Variants in RIC3 observed in about 807,000 individuals in gnomAD.
RIC3 encodes RIC3 acetylcholine receptor chaperone.
Under a neutral mutation model 27.3 loss-of-function variants are expected in RIC3, and 28 were observed. That is an observed-to-expected ratio of 1.02 (90% confidence interval 0.76 to 1.41). RIC3 has a LOEUF of 1.41. RIC3 is among the 40% of genes most tolerant of loss of function. The probability of loss-of-function intolerance (pLI) is 0.00; values close to 1 mark genes in which losing one functional copy is unlikely to be tolerated. For synonymous variants in RIC3, 184 were observed against 160.4 expected, an observed-to-expected ratio of 1.15 and a Z score of -1.11; for missense variants, 501 against 444.7, an observed-to-expected ratio of 1.13 and a Z score of -1.14.
chr11:8,151,914 C>T (rs1002354027), intron 1 of RIC3, among the ~76,000 whole-genome samples: 3 of 142,844 alleles, frequency 2.1e-5, no homozygotes, highest in African/African-American at 8.0e-5. Context: ...GAGACTCGGT[C>T]TCAAAAAAAA....
chr11:8,093,102 G>C, the RIC3 span, among the ~76,000 whole-genome samples: 140,294 of 152,082 alleles, frequency 0.92, 65,779 homozygotes, highest in East Asian at 1. Flanking sequence ...TAAACAGATG[G>C]TCACGGGGTT....
At chr11:8,097,861 G>A in the RIC3 span, 9 of 1,563,092 alleles carry the variant, frequency 5.8e-6, no homozygotes, top group Non-Finnish European at 7.9e-6. Context: ...GGCGGGAGTG[G>A]GAGGGAGGGG....
At chr11:8,111,228 C>A in intron 5 of RIC3, 91 bp from the exon 6 acceptor site, 1 of 921,044 alleles carries the variant, frequency 1.1e-6, no homozygotes. Context: ...TCTCAGGCAG[C>A]AGCCATCCTA....
At chr11:8,158,319 G>A (rs1008710697) in intron 1 of RIC3, among the ~76,000 whole-genome samples, 6 of 152,104 alleles carry the variant, frequency 3.9e-5, no homozygotes, top group African/African-American at 1.2e-4. Context: ...GGGCTACTAA[G>A]GAACCCTATT....
At chr11:8,164,415 T>C (rs1300639456) in intron 1 of RIC3, among the ~76,000 whole-genome samples, 1 of 152,018 alleles carries the variant, frequency 6.6e-6, no homozygotes, top group Non-Finnish European at 1.5e-5. Flanking sequence ...GAAGAAAATA[T>C]TTGCAAATCA....
downstream of RIC3, chr11:8,103,189 C>CCTAA (rs1590010812): frequency 1.3e-5 from 2 of 152,298 alleles, no homozygotes; most frequent in Middle Eastern, 3.4e-3. Flanking sequence ...TGGGCCTGAG[C>CCTAA]CTAACTCCCT....
intron 4 of RIC3, 91 bp downstream of exon 4, chr11:8,137,287 G>C (rs537797293): frequency 9.0e-7 from 1 of 1,114,514 alleles, no homozygotes; most frequent in Non-Finnish European, 1.3e-6. Flanking sequence ...GCCTCCCAAA[G>C]TGCTGGGATT....
Position 8,168,964 on chromosome 11 carries a change from A to G in RIC3, c.26T>C (p.Val9Ala). 6.2e-7 allele frequency: 1 copy of G among 1,602,196 alleles called. No homozygotes were observed. Among genetic ancestry groups the G allele is most frequent in the Non-Finnish European group, 8.5e-7 (1 of 1,175,666 alleles). Residue 9 changes from valine (V) to alanine (A), a missense_variant, in exon 1 of 6, where the codon GTC (valine) becomes GCC (alanine). Coordinates refer to ENST00000309737, the MANE Select transcript of RIC3 (RefSeq NM_001206671.4). ...CAGGACAAGCCCAGAAGCCAGAGCG[A>G]CTCTCTGCACTGTGGAGTACGCCAT... is the stretch of plus-strand genomic sequence containing the variant. MAYSTVQR[V>A]ALASGLVLAL...
intron 5 of RIC3, among the ~76,000 whole-genome samples, chr11:8,125,638 T>C (rs1354281081): frequency 6.6e-6 from 1 of 152,156 alleles, no homozygotes; most frequent in Non-Finnish European, 1.5e-5. Context: ...CAAGACAAAG[T>C]GTTACCAAGG....
chr11:8,138,023 A>C, intron 3 of RIC3, among the ~76,000 whole-genome samples: 1 of 152,238 alleles, frequency 6.6e-6, no homozygotes, highest in African/African-American at 2.4e-5. Flanking sequence ...TCTGAAAATG[A>C]GAAGTCATTC....
At chr11:8,101,718 G>A (rs956762839), downstream of RIC3, 224 of 1,477,870 alleles carry the variant, frequency 1.5e-4, no homozygotes, top group East Asian at 7.9e-4. Context: ...TAGGCCTTCC[G>A]CCAGATGAAG....
chr11:8,104,521 G>C (rs1438279231), downstream of RIC3: 2 of 152,244 alleles, frequency 1.3e-5, no homozygotes, highest in Non-Finnish European at 2.9e-5. Flanking sequence ...TCCTGAGAAT[G>C]AATGAGTAGG....
intron 4 of RIC3, among the ~76,000 whole-genome samples, chr11:8,132,569 T>C (rs1947864759): frequency 6.6e-6 from 1 of 152,206 alleles, no homozygotes; most frequent in Non-Finnish European, 1.5e-5. Context: ...ATTATTTAAA[T>C]ATGTGTACAG....
rs371456843 is a variant in RIC3, at chr11:8,168,914, C to A, written c.76G>T (p.Ala26Ser). The change falls in exon 1 of 6, where the codon GCC (alanine) becomes TCC (serine). Residue 26 changes from alanine (A) to serine (S), a missense_variant. Transcript: ENST00000309737. Reference protein sequence around the residue: ...VLALSLLLPKAFLSRGKRQEP... With the variant: ...VLALSLLLPKSFLSRGKRQEP... ...TGCCGCTTCCCGCGGGACAGGAAGG[C>A]CTTGGGCAGCAGCAGCGACAGAGCC... is the stretch of plus-strand genomic sequence containing the variant. The A allele has an allele frequency of 1.6e-4, 264 of 1,611,990 alleles. No homozygotes were observed. Among genetic ancestry groups the A allele is most frequent in the Non-Finnish European group, 2.2e-4 (263 of 1,179,178 alleles).
intron 4 of RIC3, chr11:8,135,570 G>A (rs532279870): frequency 3.1e-4 from 47 of 152,206 alleles, no homozygotes; most frequent in Admixed American, 2.6e-4. Flanking sequence ...AAATTACCTT[G>A]GGCAGTATGG....
Position 8,138,311 on chromosome 11 carries a change from A to G in RIC3, c.388T>C (p.Cys130Arg). Residue 130 changes from cysteine (C) to arginine (R), a missense_variant, in exon 3 of 6, where the codon TGC becomes CGC. Coordinates refer to ENST00000309737, the MANE Select transcript of RIC3 (RefSeq NM_001206671.4). ...GTGTTTCCAGGCATGGCAGTATAGC[A>G]TTTCCCATCCTCTGCAGTTGTTTTC... is the stretch of plus-strand genomic sequence containing the variant. ...KGKTTAEDGK[C>R]YTAMPGNTHR... 6.2e-7 allele frequency: 1 copy of G among 1,613,612 alleles called. No homozygotes were observed. The highest frequency in any genetic ancestry group is 8.5e-7 in the Non-Finnish European group (1 of 1,179,640).
At chr11:8,115,949 A>C (rs1438358825) in intron 5 of RIC3, among the ~76,000 whole-genome samples, 1 of 152,224 alleles carries the variant, frequency 6.6e-6, no homozygotes, top group African/African-American at 2.4e-5. Flanking sequence ...AGCAATTGTG[A>C]ACAAAAAGAA....
At chr11:8,146,827 A>G (rs1253325351) in intron 1 of RIC3, among the ~76,000 whole-genome samples, 1 of 152,244 alleles carries the variant, frequency 6.6e-6, no homozygotes, top group African/African-American at 2.4e-5. Flanking sequence ...TGGGATCAAC[A>G]GACAGGAAAT....
chr11:8,109,649 T>C lies in RIC3; in HGVS notation c.*1049A>G, dbSNP rs916494012. ...CTTTGTATACAAGATCAGTCCTCAT[T>C]TGTTTCAATTTATGGTTCTGAGAAG... On this transcript the variant is annotated 3_prime_UTR_variant, in exon 6 of 6. Coordinates refer to ENST00000309737, the MANE Select transcript of RIC3 (RefSeq NM_001206671.4). 6.6e-6 allele frequency: 1 copy of C among 152,244 alleles called. No individual in the cohort carries two copies. The highest frequency in any genetic ancestry group is 2.4e-5 in the African/African-American group (1 of 41,460). 9.4% of individuals were successfully genotyped at this position (152,244 alleles called of 1,614,324 possible). A position where few individuals can be genotyped will look rare whatever the true frequency, so the allele number is the denominator to read the frequency against.
Sources: allele counts gnomAD v4.1 joint callset (sites outside exome capture counted in the v4.1 genomes callset), GRCh38; gene constraint gnomAD v4.1.1; transcripts MANE v1.5; gene names NCBI Gene and HGNC (gene_info 2026-07-23, HGNC 2026-07-21).